The following PKP2 variants were observed in gnomAD, a reference collection of about 807,000 sequenced individuals.
The protein encoded by PKP2 is plakophilin 2, also known as plakophilin-2.
A neutral mutation model predicts 83.4 loss-of-function variants in PKP2; 73 were observed. The observed-to-expected ratio is 0.88, with a 90% CI of 0.72 to 1.06. The LOEUF (loss-of-function observed/expected upper bound fraction) is 1.06, where lower values mean the gene tolerates loss of function less well. PKP2 is among the 50% of genes least tolerant of loss of function. The pLI, the probability that PKP2 is intolerant of heterozygous loss-of-function variation, is 0.00. For missense variants in PKP2, 966 were observed against 1,065.4 expected (o/e 0.91, Z 1.30); for synonymous variants, 409 against 430.4 (o/e 0.95, Z 0.62).
chr12:32,840,988 T>C (rs1956585396), intron 6 of PKP2, 40 bp downstream of exon 6: 4 of 1,530,756 alleles, frequency 2.6e-6, no homozygotes, highest in Non-Finnish European at 3.6e-6. Context: ...CCTAATTTTT[T>C]ATTGCATCTT....
chr12:32,830,468 A>C (rs1393977137), intron 6 of PKP2, among the ~76,000 whole-genome samples: 1 of 152,196 alleles, frequency 6.6e-6, no homozygotes, highest in Non-Finnish European at 1.5e-5. Flanking sequence ...GCAAATAGAG[A>C]ACATTGGGAG....
intron 9 of PKP2, among the ~76,000 whole-genome samples, chr12:32,816,412 T>G (rs1403499192): frequency 6.6e-6 from 1 of 152,142 alleles, no homozygotes; most frequent in Non-Finnish European, 1.5e-5. Flanking sequence ...GCAAAGGACA[T>G]GATTTTACTC....
intron 4 of PKP2, among the ~76,000 whole-genome samples, chr12:32,853,566 A>C (rs1446224672): frequency 1.4e-5 from 2 of 147,196 alleles, no homozygotes; most frequent in Non-Finnish European, 3.0e-5. Context: ...GAGTGCAGTG[A>C]CACGATCTTG....
intron 5 of PKP2, among the ~76,000 whole-genome samples, chr12:32,843,624 T>C (rs1956620693): frequency 6.6e-6 from 1 of 152,212 alleles, no homozygotes; most frequent in South Asian, 2.1e-4. Context: ...TGACACTGTG[T>C]CTGGTGTCTT....
intron 3 of PKP2, among the ~76,000 whole-genome samples, chr12:32,873,928 T>A (rs1302901565): frequency 6.6e-6 from 1 of 152,218 alleles, no homozygotes; most frequent in Non-Finnish European, 1.5e-5. Flanking sequence ...AATCATGGTT[T>A]TAGAAAAATT....
chr12:32,868,887 A>G (rs771236687), intron 4 of PKP2, 40 bp downstream of exon 4: 2 of 1,602,112 alleles, frequency 1.2e-6, no homozygotes, highest in Non-Finnish European at 1.7e-6. Flanking sequence ...TAGAAGTGAA[A>G]GTGTGTTGCG....
intron 4 of PKP2, among the ~76,000 whole-genome samples, chr12:32,861,969 C>G (rs770265127): frequency 1.3e-5 from 2 of 152,168 alleles, no homozygotes; most frequent in Non-Finnish European, 2.9e-5. Flanking sequence ...GTGATCTCAG[C>G]TTACTGCAAC....
chr12:32,792,359 G>T lies in PKP2; in HGVS notation c.*65C>A. ...CATGCTTTTGAGGTTTCTTGGGCTG[G>T]GTAGTAGAAAAATAGGTGTTTTCCT... On this transcript the variant is annotated 3_prime_UTR_variant, in exon 13 of 13. Coordinates refer to ENST00000340811, the MANE Select transcript of PKP2 (RefSeq NM_001005242.3). 1 of 1,146,712 alleles carries T rather than the reference G, an allele frequency of 8.7e-7. No individual in the cohort carries two copies. The highest frequency in any genetic ancestry group is 1.3e-6 in the Non-Finnish European group (1 of 753,712). The allele number at this position is 1,146,712 out of a possible 1,614,324, so 71.0% of individuals were successfully genotyped here. A position where few individuals can be genotyped will look rare whatever the true frequency, so the allele number is the denominator to read the frequency against.
At chr12:32,813,904 A>G (rs1347702759) in intron 9 of PKP2, among the ~76,000 whole-genome samples, 1 of 152,190 alleles carries the variant, frequency 6.6e-6, no homozygotes, top group Non-Finnish European at 1.5e-5. Flanking sequence ...GACTCAAAGG[A>G]ATTTAATTAC....
At chr12:32,857,255 C>A (rs1246401498) in intron 4 of PKP2, among the ~76,000 whole-genome samples, 1 of 152,038 alleles carries the variant, frequency 6.6e-6, no homozygotes, top group African/African-American at 2.4e-5. Context: ...GAGATCCCAT[C>A]TGCACAAAAA....
At chr12:32,865,369 C>A (rs1956837839) in intron 4 of PKP2, among the ~76,000 whole-genome samples, 1 of 116,544 alleles carries the variant, frequency 8.6e-6, no homozygotes. Flanking sequence ...AGCAAGACTC[C>A]ATCTCAGAAA....
intron 4 of PKP2, among the ~76,000 whole-genome samples, chr12:32,867,285 A>T (rs1956858578): frequency 6.6e-6 from 1 of 152,202 alleles, no homozygotes; most frequent in Non-Finnish European, 1.5e-5. Context: ...CTGTGATCAC[A>T]CCACTGCTCT....
intron 5 of PKP2, among the ~76,000 whole-genome samples, chr12:32,845,885 T>C (rs1441248430): frequency 1.3e-5 from 2 of 152,184 alleles, no homozygotes; most frequent in African/African-American, 4.8e-5. Context: ...GAATATCAGA[T>C]TATTGAAACG....
At position 32,896,534 on chromosome 12, in the gene PKP2, C is replaced by G; in HGVS notation, c.198G>C (p.Arg66=). The change falls in exon 1 of 13, where the codon CGG becomes CGC. Residue 66 remains arginine, a synonymous_variant. Transcript: ENST00000340811. ...CGTTGCCCACGGAGCTGCGGCCCTT[C>G]CGGGCGAGGGTCTGCTGCACCTGCT... ...IQEQVQQTLA[R]KGRSSVGNGN... 1 of 1,558,596 alleles carries G rather than the reference C, an allele frequency of 6.4e-7. No homozygotes were observed. The highest frequency in any genetic ancestry group is 1.8e-5 in the Admixed American group (1 of 56,674).
Position 32,792,636 on chromosome 12 carries a change from G to A in PKP2, c.2445+8C>T. On this transcript the variant is annotated splice_region_variant and intron_variant, in intron 12 of 12. Coordinates refer to ENST00000340811, the MANE Select transcript of PKP2 (RefSeq NM_001005242.3). ...TAACTATGACACATTCCTTGTTCAT[G>A]TTCTTACCTTCTTGTAGGCATGATG... 1.2e-6 allele frequency: 2 copies of A among 1,610,450 alleles called. No homozygotes were observed. The highest frequency in any genetic ancestry group is 1.7e-6 in the Non-Finnish European group (2 of 1,176,618).
At chr12:32,841,404 C>T (rs1164835886) in intron 5 of PKP2, among the ~76,000 whole-genome samples, 199 bp from the exon 6 acceptor site, 4 of 152,090 alleles carry the variant, frequency 2.6e-5, no homozygotes, top group Non-Finnish European at 5.9e-5. Flanking sequence ...CCCACATGAG[C>T]AATAAATACA....
rs1957127435 is a variant in PKP2, at chr12:32,896,578, TGA to T, written c.152_153del (p.Val51GlufsTer34). On this transcript the variant is annotated frameshift_variant, in exon 1 of 13. Transcript: ENST00000340811. LOFTEE classifies it high-confidence loss of function. ...ACCTGCTCCTGGATCCGCAGGCTCT[TGA>T]CTGTCTGGCCGCCGCGGCCGCTGCT... is the stretch of plus-strand genomic sequence containing the variant. Reference protein sequence around the residue: ...AGSSGRGGQTVKSLRIQEQVQ... With the variant: ...AGSSGRGGQTXKSLRIQEQVQ... 1 of 1,590,566 alleles carries T rather than the reference TGA, an allele frequency of 6.3e-7. No homozygotes were observed. The highest frequency in any genetic ancestry group is 1.7e-5 in the Admixed American group (1 of 59,418).
chr12:32,856,641 A>G (rs564318279), intron 4 of PKP2, among the ~76,000 whole-genome samples: 3 of 152,188 alleles, frequency 2.0e-5, no homozygotes, highest in African/African-American at 7.2e-5. Flanking sequence ...ATTAGGAGAT[A>G]TACCTAATGT....
chr12:32,827,715 T>C (rs1209913952), intron 6 of PKP2, among the ~76,000 whole-genome samples: 1 of 152,200 alleles, frequency 6.6e-6, no homozygotes, highest in Non-Finnish European at 1.5e-5. Flanking sequence ...CTGAAACAAT[T>C]ACCTTATCGA....
Sources: allele counts gnomAD v4.1 joint callset (sites outside exome capture counted in the v4.1 genomes callset), GRCh38; gene constraint gnomAD v4.1.1; transcripts MANE v1.5; gene names NCBI Gene and HGNC (gene_info 2026-07-23, HGNC 2026-07-21).